The following TPR variants were observed in gnomAD, a reference collection of about 807,000 sequenced individuals.
TPR encodes translocated promoter region, nuclear basket protein.
TPR carries 51 observed loss-of-function variants against 316.1 expected under a neutral mutation model. The observed-to-expected ratio is 0.16, with a 90% CI of 0.13 to 0.20. The LOEUF is 0.20. TPR is among the 10% of genes least tolerant of loss of function. TPR has a pLI of 1.00. For missense variants in TPR, 2,272 were observed against 2,754.8 expected, an observed-to-expected ratio of 0.82 and a Z score of 3.92; for synonymous variants, 981 against 914.7, an observed-to-expected ratio of 1.07 and a Z score of -1.31.
chr1:186,367,406 T>A (rs1659383779), intron 4 of TPR, among the ~76,000 whole-genome samples: 2 of 152,220 alleles, frequency 1.3e-5, no homozygotes, highest in Non-Finnish European at 2.9e-5. Context: ...CAGAGTCAAG[T>A]TCACCTGACT....
intron 30 of TPR, among the ~76,000 whole-genome samples, chr1:186,338,695 T>C (rs1658411513): frequency 6.6e-6 from 1 of 152,228 alleles, no homozygotes; most frequent in African/African-American, 2.4e-5. Flanking sequence ...AAATCATTCT[T>C]AGCTTATAGG....
At chr1:186,322,179 T>C in intron 45 of TPR, 139 bp downstream of exon 45, 2 of 754,730 alleles carry the variant, frequency 2.6e-6, no homozygotes, top group South Asian at 3.8e-5. Context: ...CATCCTCAAC[T>C]GACCTACCCC....
rs1336379129 is a variant in TPR, at chr1:186,361,506, A to C, written c.958+116T>G. ...ATCCAAAGTTCTTTCTTCTGTACCT[A>C]ATTCTGTCCCAAATAAAGTCTAACA... On this transcript the variant is annotated intron_variant, in intron 9 of 50. Coordinates refer to ENST00000367478, the MANE Select transcript of TPR (RefSeq NM_003292.3). 6 of 949,556 alleles carry C rather than the reference A, an allele frequency of 6.3e-6. No homozygotes were observed. The East Asian group carries it at 1.5e-4, about 24-fold the overall frequency. 58.8% of individuals were successfully genotyped at this position (949,556 alleles called of 1,614,324 possible).
chr1:186,364,901 C>T (rs1659293815), intron 4 of TPR, among the ~76,000 whole-genome samples: 3 of 152,042 alleles, frequency 2.0e-5, no homozygotes, highest in Admixed American at 6.6e-5. Context: ...TGAGCAAATG[C>T]AGTCAGGTTT....
At chr1:186,349,325 C>T (rs1268383650) in intron 21 of TPR, among the ~76,000 whole-genome samples, 1 of 152,178 alleles carries the variant, frequency 6.6e-6, no homozygotes, top group Non-Finnish European at 1.5e-5. Flanking sequence ...AGAAAGTCTG[C>T]ATACAATTAT....
At position 186,312,201 on chromosome 1, in the gene TPR, A is replaced by G. The variant is rs1277170867; in HGVS notation, c.*1770T>C. 3.1e-6 allele frequency: 5 copies of G among 1,613,906 alleles called. No individual in the cohort carries two copies. Among genetic ancestry groups the G allele is most frequent in the Non-Finnish European group, 4.2e-6 (5 of 1,179,930 alleles). ...TGGCAGCATTCAGCAGTATATTTAT[A>G]AACAGGAACCTGTACAGAAGTGCCC... On this transcript the variant is annotated 3_prime_UTR_variant, in exon 51 of 51. Transcript: ENST00000367478.
intron 4 of TPR, among the ~76,000 whole-genome samples, chr1:186,365,091 A>G (rs962952533): frequency 7.5e-6 from 1 of 133,228 alleles, no homozygotes; most frequent in East Asian, 2.3e-4. Flanking sequence ...CTTGCTAGTA[A>G]AGGGGCTGCC....
intron 1 of TPR, 133 bp downstream of exon 1, chr1:186,374,745 G>C (rs1659654095): frequency 2.1e-6 from 2 of 937,908 alleles, no homozygotes; most frequent in Non-Finnish European, 3.1e-6. Flanking sequence ...GAAAGCGAAG[G>C]CTCAGGATAT....
At chr1:186,315,267 CT>C (rs570555918) in intron 49 of TPR, among the ~76,000 whole-genome samples, 49 of 150,870 alleles carry the variant, frequency 3.2e-4, no homozygotes, top group Admixed American at 2.8e-3. Flanking sequence ...AAGTGCTTGA[CT>C]TTTTTTCATT....
chr1:186,319,635 T>C (rs1217650294), intron 46 of TPR, among the ~76,000 whole-genome samples: 1 of 152,178 alleles, frequency 6.6e-6, no homozygotes, highest in Non-Finnish European at 1.5e-5. Flanking sequence ...AGATGTTACA[T>C]TACATGACTT....
chr1:186,316,402 C>T (rs1657613854), intron 49 of TPR, among the ~76,000 whole-genome samples: 1 of 152,120 alleles, frequency 6.6e-6, no homozygotes, highest in Admixed American at 6.5e-5. Context: ...CACATCAAAG[C>T]AGCTGAGAAT....
intron 46 of TPR, 86 bp from the exon 47 acceptor site, chr1:186,318,914 T>A (rs1483477353): frequency 8.1e-7 from 1 of 1,235,006 alleles, no homozygotes. Flanking sequence ...AAATATTAAT[T>A]ATTGGAGATA....
intron 18 of TPR, among the ~76,000 whole-genome samples, chr1:186,352,336 T>C (rs780352294): frequency 1.3e-5 from 2 of 152,178 alleles, no homozygotes; most frequent in Non-Finnish European, 2.9e-5. Context: ...CAAATACTTA[T>C]GGTTCCTTGC....
At chr1:186,356,209 T>TA in intron 15 of TPR, 77 bp downstream of exon 15, 1 of 1,306,646 alleles carries the variant, frequency 7.7e-7, no homozygotes, top group Non-Finnish European at 1.0e-6. Context: ...TTAGAGTGGC[T>TA]ATTGCTTATG....
At chr1:186,323,902 G>C (rs762313616) in intron 42 of TPR, 32 bp from the exon 43 acceptor site, 4 of 1,512,184 alleles carry the variant, frequency 2.6e-6, no homozygotes, top group Non-Finnish European at 3.5e-6. Flanking sequence ...CTTTTGAACT[G>C]CTAAATTTAC....
chr1:186,363,407 T>C lies in TPR; in HGVS notation c.466A>G (p.Asn156Asp), dbSNP rs1659250380. Residue 156 changes from asparagine to aspartate, a missense_variant, in exon 5 of 51, where the codon AAT (asparagine) becomes GAT (aspartate). Physicochemically the swap from Asn to Asp is conservative, Grantham distance 23. This residue lies in a region of TPR where 549 missense variants were observed against 598.6 expected (regional missense o/e 0.92). Transcript: ENST00000367478. ...KRLNEKLKES[N>D]TTKGELQLKL... is the part of the protein sequence containing the mutation. ...AACTGAAGTTCACCCTTTGTTGTATTGCTTTCTTTAAGTTTTTCATTCAGA... is the reference window on the plus strand; with the variant it reads ...AACTGAAGTTCACCCTTTGTTGTATCGCTTTCTTTAAGTTTTTCATTCAGA... 4 of 1,612,614 alleles carry C rather than the reference T, an allele frequency of 2.5e-6. No individual in the cohort carries two copies. The highest frequency in any genetic ancestry group is 3.4e-6 in the Non-Finnish European group (4 of 1,179,120).
chr1:186,345,843 T>C (rs763404899), intron 23 of TPR, 147 bp from the exon 24 acceptor site: 12 of 666,198 alleles, frequency 1.8e-5, no homozygotes, highest in Non-Finnish European at 2.7e-5. Context: ...GTTTACACCC[T>C]GATATAATCA....
At position 186,341,243 on chromosome 1, in the gene TPR, GC is replaced by G; in HGVS notation, c.3888+8del. The G allele has an allele frequency of 6.2e-7, 1 of 1,613,312 alleles. No individual in the cohort carries two copies. The highest frequency in any genetic ancestry group is 8.5e-7 in the Non-Finnish European group (1 of 1,179,860). On this transcript the variant is annotated splice_region_variant and intron_variant, in intron 28 of 50. Transcript: ENST00000367478. ...ACATGCTTCCACTCTTGATAACTAA[GC>G]AACAAACCTTTGCTTGCATTTGCTG... is the stretch of plus-strand genomic sequence containing the variant.
At chr1:186,318,916 T>C (rs1264801134) in intron 46 of TPR, 88 bp from the exon 47 acceptor site, 1 of 1,239,420 alleles carries the variant, frequency 8.1e-7, no homozygotes, top group African/African-American at 1.5e-5. Context: ...ATATTAATTA[T>C]TGGAGATATA....
Sources: gnomAD v4.1 joint callset for allele counts (sites outside exome capture counted in the v4.1 genomes callset) on GRCh38, gnomAD v4.1.1 for gene constraint, gnomAD v4.1.1 regional missense constraint, MANE v1.5 for transcripts, NCBI Gene and HGNC (gene_info 2026-07-23, HGNC 2026-07-21) for gene names.